Variants in FBXL17 observed in about 807,000 individuals in gnomAD.
FBXL17 encodes the protein F-box and leucine rich repeat protein 17.
FBXL17 carries 22 observed loss-of-function variants against 66.2 expected under a neutral mutation model. The ratio of observed to expected loss-of-function variants is 0.33; its 90% CI spans 0.24 to 0.47. The LOEUF is 0.47. Ranked by LOEUF, FBXL17 falls within the 20% of genes least tolerant of loss-of-function variation. The pLI is 1.00. For synonymous variants in FBXL17, 474 were observed against 400.5 expected, an observed-to-expected ratio of 1.18 and a Z score of -2.19; for missense variants, 878 against 948.2, an observed-to-expected ratio of 0.93 and a Z score of 0.97.
chr5:108,164,285 A>G (rs1219648729), intron 6 of FBXL17, among the ~76,000 whole-genome samples: 4 of 152,210 alleles, frequency 2.6e-5, no homozygotes, highest in South Asian at 4.1e-4. Context: ...TCTAAATCAG[A>G]AGGTTTGTTC....
intron 7 of FBXL17, among the ~76,000 whole-genome samples, chr5:108,002,605 T>C (rs1046017302): frequency 1.3e-5 from 2 of 152,080 alleles, no homozygotes; most frequent in African/African-American, 4.8e-5. Flanking sequence ...TTATTTATAA[T>C]AGTGAAAAAG....
chr5:108,361,387 C>T (rs911827680), intron 3 of FBXL17, among the ~76,000 whole-genome samples: 3 of 152,064 alleles, frequency 2.0e-5, no homozygotes, highest in Non-Finnish European at 4.4e-5. Context: ...TGGCTCTGTG[C>T]TGGGATATTT....
intron 6 of FBXL17, among the ~76,000 whole-genome samples, chr5:108,052,913 C>T (rs977855106): frequency 2.0e-5 from 3 of 152,174 alleles, no homozygotes; most frequent in Non-Finnish European, 4.4e-5. Context: ...AACATCTGAT[C>T]TTCAACAAAC....
At chr5:108,126,652 TATATATATATAC>T (rs878990272) in intron 6 of FBXL17, among the ~76,000 whole-genome samples, 6 of 116,402 alleles carry the variant, frequency 5.2e-5, no homozygotes, top group Admixed American at 8.4e-5. Flanking sequence ...TCTCTCTCTC[TATATATATATAC>T]ATATATATAT....
chr5:107,968,523 T>C (rs1320919935), intron 7 of FBXL17, among the ~76,000 whole-genome samples: 1 of 152,098 alleles, frequency 6.6e-6, no homozygotes, highest in East Asian at 1.9e-4. Flanking sequence ...ATGGAAAACA[T>C]GGGATGAGAA....
At chr5:108,316,800 T>C (rs1434763512) in intron 4 of FBXL17, among the ~76,000 whole-genome samples, 3 of 151,092 alleles carry the variant, frequency 2.0e-5, no homozygotes, top group Non-Finnish European at 4.5e-5. Flanking sequence ...AATTATACTG[T>C]TGATTTTTTT....
intron 7 of FBXL17, among the ~76,000 whole-genome samples, chr5:107,951,900 A>G (rs1024682352): frequency 2.0e-5 from 3 of 152,236 alleles, no homozygotes; most frequent in African/African-American, 7.2e-5. Context: ...CTTTACTTGT[A>G]CAAAACCAGT....
intron 8 of FBXL17, chr5:107,880,762 T>C (rs971359564): frequency 2.2e-5 from 29 of 1,308,538 alleles, no homozygotes; most frequent in Non-Finnish European, 2.6e-5. Flanking sequence ...GACTTATGAA[T>C]AGGATGCCAA....
At chr5:107,936,137 T>C (rs1750901599) in intron 7 of FBXL17, among the ~76,000 whole-genome samples, 1 of 127,868 alleles carries the variant, frequency 7.8e-6, no homozygotes, top group South Asian at 2.7e-4. Flanking sequence ...GGTATCCATT[T>C]TTCTAAAGTT....
At position 107,860,352 on chromosome 5, in the gene FBXL17, C is replaced by T. The variant is rs1205307820; in HGVS notation, c.*1368G>A. On this transcript the variant is annotated 3_prime_UTR_variant, in exon 9 of 9. Coordinates refer to ENST00000542267, the MANE Select transcript of FBXL17 (RefSeq NM_001163315.3). ...TTCTAGTTCTACTGTGAAAGATAAT[C>T]ACTCTTTAGCTTAAAAAGGCTCCCT... is the stretch of plus-strand genomic sequence containing the variant. 6.6e-6 allele frequency: 1 copy of T among 152,616 alleles called. No homozygotes were observed. Among genetic ancestry groups the T allele is most frequent in the East Asian group, 1.9e-4 (1 of 5,202 alleles). The allele number at this position is 152,616 out of a possible 1,614,324, so 9.5% of individuals were successfully genotyped here.
chr5:108,253,078 A>G (rs1756426334), intron 4 of FBXL17, among the ~76,000 whole-genome samples: 1 of 152,192 alleles, frequency 6.6e-6, no homozygotes, highest in Admixed American at 6.5e-5. Context: ...TACCATATCA[A>G]TAAAGCATTC....
intron 4 of FBXL17, among the ~76,000 whole-genome samples, chr5:108,328,866 A>G (rs17161243): frequency 0.027 from 4,087 of 152,214 alleles, 172 homozygotes; most frequent in African/African-American, 0.093. Context: ...TAATCATTTA[A>G]CATGTGACTA....
intron 4 of FBXL17, among the ~76,000 whole-genome samples, chr5:108,286,829 G>T (rs1430829512): frequency 1.3e-5 from 2 of 151,846 alleles, no homozygotes; most frequent in East Asian, 1.9e-4. Flanking sequence ...AATAGCCACA[G>T]CAATCCTAAG....
At chr5:108,145,168 T>G (rs1350290677) in intron 6 of FBXL17, among the ~76,000 whole-genome samples, 1 of 152,168 alleles carries the variant, frequency 6.6e-6, no homozygotes, top group Non-Finnish European at 1.5e-5. Context: ...AATGATGGAT[T>G]GAGGAATATA....
At chr5:108,122,109 T>G (rs1447767457) in intron 6 of FBXL17, among the ~76,000 whole-genome samples, 1 of 152,282 alleles carries the variant, frequency 6.6e-6, no homozygotes, top group Admixed American at 6.5e-5. Flanking sequence ...GGGCTTATTA[T>G]GTACCAGGTA....
intron 6 of FBXL17, among the ~76,000 whole-genome samples, chr5:108,030,213 G>T (rs1156539364): frequency 6.6e-6 from 1 of 152,060 alleles, no homozygotes; most frequent in Non-Finnish European, 1.5e-5. Flanking sequence ...AGTCCAGGTT[G>T]CTCTGCATGG....
chr5:108,056,689 G>GA lies in FBXL17; in HGVS notation c.1746-35689dup, dbSNP rs1385291178. Among the ~76,000 whole-genome samples, 9 of 152,228 alleles carry GA rather than the reference G, an allele frequency of 5.9e-5. No individual in the cohort carries two copies. In the South Asian group the frequency reaches 1.9e-3, roughly 32 times the overall value. On this transcript the variant is annotated intron_variant, in intron 6 of 8. Coordinates refer to ENST00000542267, the MANE Select transcript of FBXL17 (RefSeq NM_001163315.3). Reference sequence around the variant, plus strand: ...TCATATACTCTATGATGACCTCCTAGAAAACTAGCTAAGGAGCACTCTCTG... The same window carrying GA: ...TCATATACTCTATGATGACCTCCTAGAAAAACTAGCTAAGGAGCACTCTCTG...
chr5:107,897,170 T>A (rs566078793), intron 7 of FBXL17, among the ~76,000 whole-genome samples: 3 of 152,212 alleles, frequency 2.0e-5, no homozygotes, highest in African/African-American at 7.2e-5. Context: ...AAGAAAATCA[T>A]ACCAGAGAAA....
chr5:107,929,393 T>C (rs1750652199), intron 7 of FBXL17, among the ~76,000 whole-genome samples: 1 of 152,172 alleles, frequency 6.6e-6, no homozygotes, highest in Non-Finnish European at 1.5e-5. Context: ...ACCTAAATGC[T>C]CTAAAATTAC....
Sources: allele counts gnomAD v4.1 joint callset (sites outside exome capture counted in the v4.1 genomes callset), GRCh38; gene constraint gnomAD v4.1.1; transcripts MANE v1.5; gene names NCBI Gene and HGNC (gene_info 2026-07-23, HGNC 2026-07-21).